NEMP2: variants seen among roughly 807,000 people sequenced by gnomAD.
The protein encoded by NEMP2 is UPF0571 transmembrane protein.
Under a neutral mutation model 54.2 loss-of-function variants are expected in NEMP2, and 53 were observed. The observed-to-expected ratio is 0.98, with a 90% CI of 0.78 to 1.23. The LOEUF is 1.23. NEMP2 is among the 50% of genes most tolerant of loss of function. The probability of loss-of-function intolerance (pLI) is 0.00; values close to 1 mark genes in which losing one functional copy is unlikely to be tolerated. For missense variants in NEMP2, 455 were observed against 511.3 expected (o/e 0.89, Z 1.06); for synonymous variants, 197 against 190.3 (o/e 1.04, Z -0.29).
chr2:190,616,732 CA>C, the NEMP2 span: 1 of 152,126 alleles, frequency 6.6e-6, no homozygotes, highest in Admixed American at 6.5e-5. This position sits in a 1 kb window ranked among gnomAD's most constrained non-coding sequence, Gnocchi z 5.1. Context: ...ACTTGTTTCT[CA>C]TAAAAATTTC....
the NEMP2 span, among the ~76,000 whole-genome samples, chr2:190,561,168 T>C: frequency 6.6e-6 from 1 of 152,162 alleles, no homozygotes; most frequent in South Asian, 2.1e-4. This position sits in a 1 kb window ranked among gnomAD's most constrained non-coding sequence, Gnocchi z 5.4. Flanking sequence ...TCTGTGGCCT[T>C]CCCTCCTCTC....
chr2:190,441,800 C>T, the NEMP2 span, among the ~76,000 whole-genome samples: 186 of 152,200 alleles, frequency 1.2e-3, 1 homozygote, highest in Non-Finnish European at 2.1e-3. Flanking sequence ...GCCCTGAGCT[C>T]CAACAACATT....
chr2:190,510,503 C>G lies in NEMP2; in HGVS notation c.988G>C (p.Val330Leu). Residue 330 changes from valine to leucine, a missense_variant, in exon 8 of 9, where the codon GTG (valine) becomes CTG (leucine). Coordinates refer to ENST00000409150, the MANE Select transcript of NEMP2 (RefSeq NM_001142645.2). This position sits in a 1 kb window ranked among gnomAD's most constrained non-coding sequence, Gnocchi z 5.7. ...MEQWFTSKEL[V>L]VKYLTEDEYR... The stretch of plus-strand genomic sequence containing the variant: ...TCGTCTTCCGTAAGATATTTCACCA[C>G]CAGCTCTTTTGATGTAAACCACTGC... The G allele has an allele frequency of 6.4e-7, 1 of 1,551,982 alleles. No individual in the cohort carries two copies. The highest frequency in any genetic ancestry group is 1.2e-5 in the South Asian group (1 of 84,060).
the NEMP2 span, among the ~76,000 whole-genome samples, chr2:190,563,254 C>T: frequency 1.3e-5 from 2 of 152,102 alleles, no homozygotes; most frequent in Non-Finnish European, 2.9e-5. The surrounding 1 kb of genome is among the most constrained non-coding windows in gnomAD (Gnocchi z 4.3). Context: ...GCTGACTCAG[C>T]GGCCCAGCCT....
At chr2:190,478,203 C>T in the NEMP2 span, among the ~76,000 whole-genome samples, 1 of 152,220 alleles carries the variant, frequency 6.6e-6, no homozygotes, top group East Asian at 1.9e-4. Context: ...TTTTATTCTC[C>T]CTTATGCCAG....
the NEMP2 span, chr2:190,444,958 A>G: frequency 0.051 from 29,506 of 574,656 alleles, 930 homozygotes; most frequent in Non-Finnish European, 0.058. Flanking sequence ...ATACTGGGTA[A>G]CAAATTTAGA....
chr2:190,500,352 T>G, downstream of NEMP2: 1 of 887,044 alleles, frequency 1.1e-6, no homozygotes, highest in Non-Finnish European at 1.7e-6. The surrounding 1 kb of genome is among the most constrained non-coding windows in gnomAD (Gnocchi z 5.3). Context: ...TCTAAACTCA[T>G]TAACATGGAA....
chr2:190,621,964 G>T, the NEMP2 span, among the ~76,000 whole-genome samples: 5 of 152,118 alleles, frequency 3.3e-5, no homozygotes, highest in Non-Finnish European at 7.4e-5. Flanking sequence ...AAAATTAGCT[G>T]GGCAGGGTGG....
chr2:190,548,757 T>C, the NEMP2 span, among the ~76,000 whole-genome samples: 1 of 152,234 alleles, frequency 6.6e-6, no homozygotes, highest in South Asian at 2.1e-4. Flanking sequence ...TATACAAAAA[T>C]AAATGTGTGC....
At chr2:190,445,468 A>AAAC in the NEMP2 span, among the ~76,000 whole-genome samples, 1,156 of 146,410 alleles carry the variant, frequency 7.9e-3, 17 homozygotes, top group African/African-American at 0.027. Flanking sequence ...AAAAAAAAAA[A>AAAC]CCCCGACTAT....
At position 190,521,442 on chromosome 2, in the gene NEMP2, T is replaced by C. The variant is rs575927003; in HGVS notation, c.214-2259A>G. The stretch of plus-strand genomic sequence containing the variant: ...CGGGATCCTATCCACGTTTGCCTAC[T>C]CAAGGACATCCCAGCAGCAGTTCTT... On this transcript the variant is annotated intron_variant, in intron 2 of 8. Transcript: ENST00000409150. The surrounding 1 kb of genome is among the most constrained non-coding windows in gnomAD (Gnocchi z 6.2). Among the ~76,000 whole-genome samples the C allele has an allele frequency of 6.6e-6, 1 of 152,320 alleles. No homozygotes were observed. The highest frequency in any genetic ancestry group is 2.4e-5 in the African/African-American group (1 of 41,574).
chr2:190,456,099 C>T, the NEMP2 span, among the ~76,000 whole-genome samples: 1 of 151,556 alleles, frequency 6.6e-6, no homozygotes, highest in Non-Finnish European at 1.5e-5. The surrounding 1 kb of genome is among the most constrained non-coding windows in gnomAD (Gnocchi z 5.4). Context: ...CATCACCATG[C>T]CCAGCTAATT....
At chr2:190,621,259 T>C in the NEMP2 span, among the ~76,000 whole-genome samples, 1 of 152,242 alleles carries the variant, frequency 6.6e-6, no homozygotes, top group Non-Finnish European at 1.5e-5. Flanking sequence ...TCTGCAGATA[T>C]ATGGCATAGC....
the NEMP2 span, among the ~76,000 whole-genome samples, chr2:190,583,705 C>T: frequency 6.6e-6 from 1 of 152,308 alleles, no homozygotes; most frequent in South Asian, 2.1e-4. Flanking sequence ...CTGTCAATGT[C>T]TGAGAGCCAC....
the NEMP2 span, chr2:190,646,865 C>G: frequency 2.0e-5 from 3 of 152,202 alleles, no homozygotes; most frequent in African/African-American, 7.2e-5. Context: ...TCAGGTAAGA[C>G]CACTCATTTC....
the NEMP2 span, among the ~76,000 whole-genome samples, chr2:190,481,679 G>C: frequency 6.6e-6 from 1 of 152,204 alleles, no homozygotes; most frequent in Non-Finnish European, 1.5e-5. Flanking sequence ...AGGCTATCTG[G>C]CACATAATAT....
At chr2:190,453,915 A>G in the NEMP2 span, among the ~76,000 whole-genome samples, 6 of 152,188 alleles carry the variant, frequency 3.9e-5, no homozygotes, top group Non-Finnish European at 7.3e-5. Flanking sequence ...AGAGAGTGGC[A>G]TTGTTCTATA....
At chr2:190,455,934 CTTTTTTTTTTTTT>C in the NEMP2 span, among the ~76,000 whole-genome samples, 3 of 65,388 alleles carry the variant, frequency 4.6e-5, no homozygotes, top group Admixed American at 8.0e-4. Flanking sequence ...ATTTACTCTG[CTTTTTTTTTTTTT>C]TTTTTTTTTT....
At chr2:190,612,104 G>A in the NEMP2 span, among the ~76,000 whole-genome samples, 2 of 150,498 alleles carry the variant, frequency 1.3e-5, no homozygotes, top group East Asian at 3.9e-4. Context: ...ACACAGACAA[G>A]CTATGACATG....
Sources: gnomAD v4.1 joint callset for allele counts (sites outside exome capture counted in the v4.1 genomes callset) on GRCh38, gnomAD v4.1.1 for gene constraint, Gnocchi (gnomAD v3.1) non-coding constraint, MANE v1.5 for transcripts, NCBI Gene and HGNC (gene_info 2026-07-23, HGNC 2026-07-21) for gene names.